The following NTRK3 variants were observed in gnomAD, a reference collection of about 807,000 sequenced individuals.
NTRK3 encodes the protein NT-3 growth factor receptor.
NTRK3 carries 24 observed loss-of-function variants against 91.7 expected under a neutral mutation model. The ratio of observed to expected loss-of-function variants is 0.26; its 90% CI spans 0.19 to 0.37. The LOEUF (loss-of-function observed/expected upper bound fraction) is 0.37. NTRK3 is among the 10% of genes least tolerant of loss of function. The pLI is 1.00. For synonymous variants in NTRK3, 483 were observed against 404.0 expected (o/e 1.20, Z -2.34); for missense variants, 880 against 1,068.9 (o/e 0.82, Z 2.46).
At chr15:88,247,351 C>G (rs1180367797) in intron 3 of NTRK3, among the ~76,000 whole-genome samples, 10 of 152,216 alleles carry the variant, frequency 6.6e-5, no homozygotes, top group Non-Finnish European at 1.0e-4. Context: ...TGCCTTGTGC[C>G]AGGAACTCAC....
intron 13 of NTRK3, among the ~76,000 whole-genome samples, chr15:88,034,729 AC>A (rs1302196703): frequency 6.6e-6 from 1 of 152,216 alleles, no homozygotes; most frequent in Non-Finnish European, 1.5e-5. Context: ...CAAATGGAGG[AC>A]CCTGAATTCC....
chr15:88,025,751 T>G (rs893114256), intron 14 of NTRK3, among the ~76,000 whole-genome samples: 1 of 152,254 alleles, frequency 6.6e-6, no homozygotes, highest in Non-Finnish European at 1.5e-5. Flanking sequence ...CCACCCAACT[T>G]ATGGTACTGT....
At chr15:88,203,801 T>C (rs2048497080) in intron 3 of NTRK3, among the ~76,000 whole-genome samples, 1 of 152,220 alleles carries the variant, frequency 6.6e-6, no homozygotes, top group South Asian at 2.1e-4. Flanking sequence ...TTATCACATG[T>C]ACCCCAAAAT....
At chr15:87,950,780 C>T (rs2141108950) in intron 14 of NTRK3, among the ~76,000 whole-genome samples, 1 of 152,302 alleles carries the variant, frequency 6.6e-6, no homozygotes, top group African/African-American at 2.4e-5. Flanking sequence ...ATGCCAATTT[C>T]TTCCTCTCAC....
At chr15:88,242,201 C>G (rs1248347260) in intron 3 of NTRK3, among the ~76,000 whole-genome samples, 1 of 152,192 alleles carries the variant, frequency 6.6e-6, no homozygotes, top group East Asian at 1.9e-4. Flanking sequence ...CAGCCCAAAT[C>G]TTCATCTCAC....
At chr15:88,150,640 G>C (rs533920668) in intron 5 of NTRK3, among the ~76,000 whole-genome samples, 2 of 152,234 alleles carry the variant, frequency 1.3e-5, no homozygotes, top group South Asian at 2.1e-4. Context: ...CCTGTTTGCA[G>C]AGCCTGGAAA....
exon 19 of NTRK3, chr15:87,863,394 A>G (rs760425623): frequency 1.8e-5 from 4 of 226,850 alleles, no homozygotes; most frequent in Admixed American, 5.7e-5. Context: ...TGCTGAAAAC[A>G]TACACCCAGG....
chr15:87,875,272 G>A (rs147113496), exon 19 of NTRK3: 59 of 229,792 alleles, frequency 2.6e-4, no homozygotes, highest in Non-Finnish European at 3.8e-4. Context: ...GAGGGGCCCC[G>A]TGGCCTGGGA....
chr15:87,965,038 T>TC (rs1021643765), intron 14 of NTRK3, among the ~76,000 whole-genome samples: 1 of 152,206 alleles, frequency 6.6e-6, no homozygotes, highest in African/African-American at 2.4e-5. Context: ...TTGCAAAAGA[T>TC]CAGTTAAATT....
chr15:88,039,015 A>G (rs1316063423), intron 13 of NTRK3, among the ~76,000 whole-genome samples: 2 of 152,086 alleles, frequency 1.3e-5, no homozygotes, highest in Non-Finnish European at 2.9e-5. Context: ...TAATAGGGGG[A>G]AAAATATCTC....
At chr15:88,048,768 C>A (rs1290801607) in intron 13 of NTRK3, among the ~76,000 whole-genome samples, 1 of 152,168 alleles carries the variant, frequency 6.6e-6, no homozygotes, top group Non-Finnish European at 1.5e-5. Flanking sequence ...AAATCAAGAT[C>A]TTGTAAAAGT....
intron 13 of NTRK3, among the ~76,000 whole-genome samples, chr15:88,057,381 C>A (rs1354834208): frequency 6.6e-6 from 1 of 151,688 alleles, no homozygotes; most frequent in African/African-American, 2.4e-5. Context: ...GCCTGTAATC[C>A]CAGCTACTCA....
chr15:88,154,460 G>T (rs1319730476), intron 5 of NTRK3, among the ~76,000 whole-genome samples: 1 of 152,200 alleles, frequency 6.6e-6, no homozygotes, highest in Non-Finnish European at 1.5e-5. Context: ...TGAAGGCCAA[G>T]AAATATTTTC....
intron 3 of NTRK3, among the ~76,000 whole-genome samples, chr15:88,227,853 T>G (rs2050813874): frequency 1.3e-5 from 2 of 151,704 alleles, no homozygotes; most frequent in Admixed American, 1.3e-4. Flanking sequence ...TACCAAGCAT[T>G]CCCCTTGCTA....
At chr15:88,034,675 GTGAAGCACCAA>G (rs1361785956) in intron 13 of NTRK3, among the ~76,000 whole-genome samples, 6 of 152,184 alleles carry the variant, frequency 3.9e-5, no homozygotes, top group African/African-American at 1.4e-4. Flanking sequence ...AAATAGCGAG[GTGAAGCACCAA>G]TGAGGCAGAA....
chr15:87,945,777 G>A (rs79715005), intron 14 of NTRK3, among the ~76,000 whole-genome samples: 4,361 of 145,154 alleles, frequency 0.03, 70 homozygotes, highest in African/African-American at 0.036. Flanking sequence ...TGCCCCAAAT[G>A]GCACTGCTGA....
At chr15:87,944,450 T>C (rs2070222808) in intron 14 of NTRK3, among the ~76,000 whole-genome samples, 1 of 152,252 alleles carries the variant, frequency 6.6e-6, no homozygotes, top group African/African-American at 2.4e-5. Context: ...CCTGAGAGAC[T>C]GAGAGATAAG....
intron 5 of NTRK3, among the ~76,000 whole-genome samples, chr15:88,172,466 C>T (rs190677356): frequency 1.4e-4 from 21 of 152,168 alleles, no homozygotes; most frequent in African/African-American, 5.1e-4. Context: ...GTGTCTAATC[C>T]CCAAGACTAG....
intron 13 of NTRK3, among the ~76,000 whole-genome samples, chr15:88,122,754 C>G (rs370433558): frequency 7.1e-4 from 108 of 152,280 alleles, no homozygotes; most frequent in African/African-American, 2.4e-3. Flanking sequence ...TTTTCCCTAT[C>G]ATCATCTCTC....
Sources: gnomAD v4.1 joint callset for allele counts (sites outside exome capture counted in the v4.1 genomes callset) on GRCh38, gnomAD v4.1.1 for gene constraint, MANE v1.5 for transcripts, NCBI Gene and HGNC (gene_info 2026-07-23, HGNC 2026-07-21) for gene names.